The following CLVS1 variants were observed in gnomAD, a reference collection of about 807,000 sequenced individuals.
CLVS1 encodes clavesin 1, also known as clavesin-1.
Under a neutral mutation model 33.1 loss-of-function variants are expected in CLVS1, and 10 were observed. That is an observed-to-expected ratio of 0.30 (90% CI 0.19 to 0.51). The LOEUF (loss-of-function observed/expected upper bound fraction) is 0.51, where lower values mean the gene tolerates loss of function less well. Among genes scored for constraint, CLVS1 ranks in the 20% least tolerant of loss-of-function variants. The pLI, the probability that CLVS1 is intolerant of heterozygous loss-of-function variation, is 0.97. For synonymous variants in CLVS1, 163 were observed against 166.1 expected, an observed-to-expected ratio of 0.98 and a Z score of 0.14; for missense variants, 343 against 433.4, an observed-to-expected ratio of 0.79 and a Z score of 1.85.
chr8:61,254,168 A>C (rs1809019070), intron 2 of CLVS1, among the ~76,000 whole-genome samples: 1 of 152,036 alleles, frequency 6.6e-6, no homozygotes. Flanking sequence ...CATCTGTTGG[A>C]GTTTGCTGGA....
chr8:61,296,603 G>GA (rs1480169476), intron 1 of CLVS1, among the ~76,000 whole-genome samples: 7 of 151,790 alleles, frequency 4.6e-5, no homozygotes, highest in East Asian at 1.9e-4. Context: ...AATTCTCCAG[G>GA]AAAAAAAATA....
intron 2 of CLVS1, among the ~76,000 whole-genome samples, chr8:61,273,407 G>A (rs1012843781): frequency 1.8e-4 from 27 of 152,232 alleles, no homozygotes; most frequent in African/African-American, 6.0e-4. Context: ...TGTCAGAGAG[G>A]GACATTTAAG....
intron 2 of CLVS1, among the ~76,000 whole-genome samples, chr8:61,376,369 C>T (rs1275144438): frequency 2.0e-5 from 3 of 152,190 alleles, no homozygotes; most frequent in Non-Finnish European, 4.4e-5. Flanking sequence ...AGAAGAGGGA[C>T]ATCTCATTAA....
At chr8:61,002,212 G>C in the CLVS1 span, among the ~76,000 whole-genome samples, 4 of 151,814 alleles carry the variant, frequency 2.6e-5, no homozygotes, top group Non-Finnish European at 5.9e-5. Context: ...GAACTCCTGG[G>C]CTCAAGGGAT....
chr8:60,993,962 G>A, the CLVS1 span, among the ~76,000 whole-genome samples: 1 of 152,200 alleles, frequency 6.6e-6, no homozygotes, highest in African/African-American at 2.4e-5. Context: ...CTGTCATGGA[G>A]CCTTTCTGTC....
At position 61,300,166 on chromosome 8, in the gene CLVS1, A is replaced by G. The variant is rs1167623139; in HGVS notation, c.339A>G (p.Ala113=). ...TGGACATGTTCAAAAACTTCAAGGCAGATGATCCCGGCATTAAGAGGGCTC... is the reference window on the plus strand; with the variant it reads ...TGGACATGTTCAAAAACTTCAAGGCGGATGATCCCGGCATTAAGAGGGCTC... The part of the protein sequence containing the change: ...LNLDMFKNFK[A]DDPGIKRALI... The change falls in exon 2 of 6, where the codon GCA becomes GCG. Residue 113 remains alanine, a synonymous_variant. Transcript: ENST00000325897. The G allele has an allele frequency of 6.2e-7, 1 of 1,614,060 alleles. No homozygotes were observed. The highest frequency in any genetic ancestry group is 8.5e-7 in the Non-Finnish European group (1 of 1,179,974).
At chr8:61,498,871 T>TGGTC (rs1347936339) in intron 5 of CLVS1, among the ~76,000 whole-genome samples, 1 of 152,194 alleles carries the variant, frequency 6.6e-6, no homozygotes, top group Non-Finnish European at 1.5e-5. Context: ...ATCTGATTCA[T>TGGTC]GGTCTTAACA....
the CLVS1 span, among the ~76,000 whole-genome samples, chr8:60,969,553 T>C: frequency 6.6e-6 from 1 of 152,178 alleles, no homozygotes; most frequent in African/African-American, 2.4e-5. Context: ...TGACGTCCTA[T>C]CCCATCATGG....
chr8:61,445,492 C>T (rs1287543252), intron 3 of CLVS1, among the ~76,000 whole-genome samples: 2 of 152,176 alleles, frequency 1.3e-5, no homozygotes, highest in Admixed American at 6.5e-5. Flanking sequence ...TCTCTACATA[C>T]CTGCTCCCCT....
At chr8:61,055,069 T>G (rs534655116), upstream of CLVS1, among the ~76,000 whole-genome samples, 1 of 152,334 alleles carries the variant, frequency 6.6e-6, no homozygotes, top group African/African-American at 2.4e-5. Flanking sequence ...ATCATATAGT[T>G]TACTCTCATC....
At chr8:61,161,793 G>C (rs1462990525) in intron 2 of CLVS1, among the ~76,000 whole-genome samples, 2 of 152,154 alleles carry the variant, frequency 1.3e-5, no homozygotes, top group Admixed American at 6.5e-5. Context: ...GGTTTTAAAT[G>C]TTCTCATCGC....
the CLVS1 span, among the ~76,000 whole-genome samples, chr8:61,012,906 G>T: frequency 2.6e-5 from 4 of 152,194 alleles, no homozygotes; most frequent in Non-Finnish European, 1.5e-5. Flanking sequence ...CCTGCAGACT[G>T]CTGTGCTCAT....
the CLVS1 span, among the ~76,000 whole-genome samples, chr8:60,981,895 C>T: frequency 1.3e-5 from 2 of 152,350 alleles, no homozygotes; most frequent in African/African-American, 4.8e-5. Flanking sequence ...GATGGGGTGT[C>T]AGGCTGACTG....
chr8:61,131,719 G>A (rs1806102226), intron 1 of CLVS1: 1 of 151,230 alleles, frequency 6.6e-6, no homozygotes, highest in Admixed American at 6.6e-5. Flanking sequence ...TAAGATTTAA[G>A]TGAGTGCTGT....
intron 2 of CLVS1, among the ~76,000 whole-genome samples, chr8:61,267,907 C>T (rs1400914219): frequency 1.3e-5 from 2 of 152,044 alleles, no homozygotes; most frequent in Middle Eastern, 3.2e-3. Flanking sequence ...TTTTCAAAGT[C>T]GAGCATGAAA....
chr8:61,086,577 A>C (rs1805131136), intron 1 of CLVS1, among the ~76,000 whole-genome samples: 1 of 152,226 alleles, frequency 6.6e-6, no homozygotes, highest in Non-Finnish European at 1.5e-5. Flanking sequence ...CTGAATAGCT[A>C]AAGAAGATTA....
intron 1 of CLVS1, among the ~76,000 whole-genome samples, chr8:61,071,147 G>T (rs934348099): frequency 2.6e-5 from 4 of 152,230 alleles, no homozygotes; most frequent in African/African-American, 9.7e-5. Context: ...TGAGGCCAAC[G>T]CGTCTTTACC....
chr8:61,096,435 C>A (rs957374575), intron 1 of CLVS1, among the ~76,000 whole-genome samples: 1 of 152,122 alleles, frequency 6.6e-6, no homozygotes, highest in Non-Finnish European at 1.5e-5. Context: ...GTTTGAATTT[C>A]TTGATTTTGT....
chr8:61,090,567 C>A (rs1453417158), intron 1 of CLVS1, among the ~76,000 whole-genome samples: 1 of 152,120 alleles, frequency 6.6e-6, no homozygotes, highest in African/African-American at 2.4e-5. Flanking sequence ...ATCCGTGAGC[C>A]AAGAGCCACA....
Sources: allele counts gnomAD v4.1 joint callset (sites outside exome capture counted in the v4.1 genomes callset), GRCh38; gene constraint gnomAD v4.1.1; transcripts MANE v1.5; gene names NCBI Gene and HGNC (gene_info 2026-07-23, HGNC 2026-07-21).